The following BCKDHB variants were observed in gnomAD, a reference collection of about 807,000 sequenced individuals.
BCKDHB encodes branched chain keto acid dehydrogenase E1 subunit beta, also known as 2-oxoisovalerate dehydrogenase subunit beta, mitochondrial.
BCKDHB carries 41 observed loss-of-function variants against 48.5 expected under a neutral mutation model. That is an observed-to-expected ratio of 0.85 (90% CI 0.66 to 1.10). The LOEUF (loss-of-function observed/expected upper bound fraction) is 1.10, where lower values mean the gene tolerates loss of function less well. Ranked by LOEUF, BCKDHB falls within the 50% of genes least tolerant of loss-of-function variation. BCKDHB has a pLI of 0.00. For missense variants in BCKDHB, 496 were observed against 494.2 expected (o/e 1.00, Z -0.03); for synonymous variants, 201 against 174.8 (o/e 1.15, Z -1.18).
chr6:80,184,669 G>T (rs140856569), intron 6 of BCKDHB, among the ~76,000 whole-genome samples: 1 of 152,116 alleles, frequency 6.6e-6, no homozygotes, highest in African/African-American at 2.4e-5. Context: ...ATCTGAAAAA[G>T]ACTTTATCTC....
the BCKDHB span, among the ~76,000 whole-genome samples, chr6:80,363,484 A>G: frequency 1.3e-5 from 2 of 152,204 alleles, no homozygotes; most frequent in South Asian, 4.1e-4. Flanking sequence ...AAATCCTATG[A>G]GTCTTTGGGT....
At position 80,296,305 on chromosome 6, in the gene BCKDHB, A is replaced by C. The variant is rs576464256; in HGVS notation, c.1038+23084A>C. ...GTGAATGATAAAATGTCTTAGGAAA[A>C]AACCACAGTCAAAAACACAATTGAC... On this transcript the variant is annotated intron_variant, in intron 9 of 9. Transcript: ENST00000320393. Among the ~76,000 whole-genome samples, 3 of 152,304 alleles carry C rather than the reference A, an allele frequency of 2.0e-5. No homozygotes were observed. In the East Asian group the frequency reaches 5.8e-4, roughly 29 times the overall value.
intron 6 of BCKDHB, among the ~76,000 whole-genome samples, chr6:80,183,208 C>T (rs1033774967): frequency 3.3e-5 from 5 of 151,962 alleles, no homozygotes; most frequent in Non-Finnish European, 7.4e-5. Context: ...GCATGATTGA[C>T]GAAGCCAGAT....
At chr6:80,426,560 A>G in the BCKDHB span, among the ~76,000 whole-genome samples, 4 of 152,096 alleles carry the variant, frequency 2.6e-5, no homozygotes, top group Non-Finnish European at 4.4e-5. Context: ...TAAATTTTCC[A>G]TGTGATGTCT....
chr6:80,407,042 AG>A, the BCKDHB span, among the ~76,000 whole-genome samples: 1 of 152,196 alleles, frequency 6.6e-6, no homozygotes, highest in African/African-American at 2.4e-5. Flanking sequence ...GTAAGGTGTA[AG>A]GAACGGATCT....
At chr6:80,136,442 C>T (rs1259305824) in intron 3 of BCKDHB, among the ~76,000 whole-genome samples, 1 of 152,030 alleles carries the variant, frequency 6.6e-6, no homozygotes, top group Non-Finnish European at 1.5e-5. Flanking sequence ...CTTTATTTAA[C>T]ACCATATACA....
At chr6:80,426,584 G>C in the BCKDHB span, among the ~76,000 whole-genome samples, 99,369 of 151,938 alleles carry the variant, frequency 0.65, 37,080 homozygotes, top group East Asian at 0.84. Context: ...TTGACCCATG[G>C]GTTATTTGGA....
chr6:80,148,563 A>G (rs115581120), intron 3 of BCKDHB, among the ~76,000 whole-genome samples: 134 of 152,232 alleles, frequency 8.8e-4, no homozygotes, highest in African/African-American at 2.9e-3. Flanking sequence ...GATTATAGCA[A>G]TTATCATGAG....
chr6:80,244,712 A>C (rs1776535247), intron 8 of BCKDHB, among the ~76,000 whole-genome samples: 1 of 152,182 alleles, frequency 6.6e-6, no homozygotes, highest in Non-Finnish European at 1.5e-5. Flanking sequence ...AAGCTGACAA[A>C]AGTCATATTA....
chr6:80,127,425 C>A, intron 1 of BCKDHB, 122 bp from the exon 2 acceptor site: 1 of 809,880 alleles, frequency 1.2e-6, no homozygotes, highest in Non-Finnish European at 2.1e-6. Context: ...AATAATTCAG[C>A]AATTTGCATA....
chr6:80,210,760 A>G (rs960176718), intron 8 of BCKDHB, among the ~76,000 whole-genome samples: 4 of 152,068 alleles, frequency 2.6e-5, no homozygotes, highest in African/African-American at 9.7e-5. Flanking sequence ...TCTCCCTGCA[A>G]CTCAGCTCAG....
At chr6:80,296,269 A>G (rs1317377867) in intron 9 of BCKDHB, among the ~76,000 whole-genome samples, 1 of 152,220 alleles carries the variant, frequency 6.6e-6, no homozygotes, top group Admixed American at 6.5e-5. Context: ...AAAACAAGAC[A>G]ACAATTGTCT....
the BCKDHB span, chr6:80,443,511 GCTT>G: frequency 6.6e-6 from 1 of 152,130 alleles, no homozygotes; most frequent in African/African-American, 2.4e-5. Flanking sequence ...AGCGGGAAGA[GCTT>G]CTTATTCATG....
chr6:80,413,337 G>A, the BCKDHB span, among the ~76,000 whole-genome samples: 1 of 152,130 alleles, frequency 6.6e-6, no homozygotes, highest in East Asian at 1.9e-4. Context: ...ACATGTGCAG[G>A]TTTGTTATAT....
chr6:80,122,179 G>T (rs1388254039), intron 1 of BCKDHB, among the ~76,000 whole-genome samples: 9 of 152,238 alleles, frequency 5.9e-5, no homozygotes, highest in Non-Finnish European at 1.2e-4. Context: ...TGTTGAACCA[G>T]CCTTGCATCC....
Position 80,120,031 on chromosome 6 carries a change from G to A in BCKDHB, c.197-7516G>A, listed in dbSNP as rs913676729. 4.0e-4 allele frequency among the ~76,000 whole-genome samples: 61 copies of A among 152,052 alleles called. 1 individual carries two copies. The highest frequency in any genetic ancestry group is 1.4e-3 in the African/African-American group (57 of 41,472). On this transcript the variant is annotated intron_variant, in intron 1 of 9. Coordinates refer to ENST00000320393, the MANE Select transcript of BCKDHB (RefSeq NM_183050.4). ...CCCCCAGCTTCCCAATCCCCGACAGGCCCTGGTGTGTGATGTTCCCCGCCC... is the reference window on the plus strand; with the variant it reads ...CCCCCAGCTTCCCAATCCCCGACAGACCCTGGTGTGTGATGTTCCCCGCCC...
At chr6:80,164,146 G>T (rs140164588) in intron 3 of BCKDHB, among the ~76,000 whole-genome samples, 1 of 152,008 alleles carries the variant, frequency 6.6e-6, no homozygotes, top group Non-Finnish European at 1.5e-5. Flanking sequence ...TCTCTGACTC[G>T]CTCTCACAGT....
chr6:80,271,091 G>A (rs638056), intron 8 of BCKDHB, among the ~76,000 whole-genome samples: 70,991 of 151,854 alleles, frequency 0.47, 16,884 homozygotes, highest in African/African-American at 0.54. Flanking sequence ...ATATTTTGGA[G>A]TGAAAGTTTC....
chr6:80,404,560 C>A, the BCKDHB span, among the ~76,000 whole-genome samples: 3 of 151,770 alleles, frequency 2.0e-5, no homozygotes, highest in Non-Finnish European at 4.4e-5. Flanking sequence ...GCCTCTATCT[C>A]GTTTCTTTCT....
Sources: allele counts gnomAD v4.1 joint callset (sites outside exome capture counted in the v4.1 genomes callset), GRCh38; gene constraint gnomAD v4.1.1; transcripts MANE v1.5; gene names NCBI Gene and HGNC (gene_info 2026-07-23, HGNC 2026-07-21).